Variants in SORBS2 observed in about 807,000 individuals in gnomAD.
SORBS2 encodes sorbin and SH3 domain containing 2, also known as sorbin and SH3 domain-containing protein 2.
Under a neutral mutation model 97.7 loss-of-function variants are expected in SORBS2, and 46 were observed. The ratio of observed to expected loss-of-function variants is 0.47; its 90% CI spans 0.37 to 0.60. SORBS2 has a LOEUF of 0.60. Ranked by LOEUF, SORBS2 falls within the 20% of genes least tolerant of loss-of-function variation. The pLI is 0.00. For synonymous variants in SORBS2, 476 were observed against 473.4 expected, an observed-to-expected ratio of 1.01 and a Z score of -0.07; for missense variants, 1,316 against 1,282.3, an observed-to-expected ratio of 1.03 and a Z score of -0.40.
intron 1 of SORBS2, among the ~76,000 whole-genome samples, chr4:185,946,180 T>C (rs1029079863): frequency 2.7e-5 from 3 of 110,204 alleles, no homozygotes; most frequent in Admixed American, 2.9e-4. Context: ...ACAGCACCCA[T>C]AGGATGTTGG....
intron 1 of SORBS2, among the ~76,000 whole-genome samples, chr4:185,951,157 G>A (rs755399084): frequency 4.3e-4 from 65 of 152,226 alleles, no homozygotes; most frequent in African/African-American, 1.3e-3. Context: ...AGAATCACAC[G>A]GTCCCAGCTG....
At chr4:185,743,829 CTTCTTTCCTCCTCCTCCTCCTTCTATT>C (rs977257406) in intron 2 of SORBS2, among the ~76,000 whole-genome samples, 20 of 150,036 alleles carry the variant, frequency 1.3e-4, no homozygotes, top group African/African-American at 2.0e-4. Context: ...CTTCTTCTAT[CTTCTTTCCTCCTCCTCCTCCTTCTATT>C]TTCTTTCCTC....
At chr4:185,919,793 C>T (rs1393940952) in intron 1 of SORBS2, among the ~76,000 whole-genome samples, 1 of 152,224 alleles carries the variant, frequency 6.6e-6, no homozygotes, top group Non-Finnish European at 1.5e-5. Flanking sequence ...CTTTTTACTT[C>T]GCTCATATCT....
chr4:185,735,981 C>T (rs150483658), intron 2 of SORBS2, among the ~76,000 whole-genome samples: 2 of 152,324 alleles, frequency 1.3e-5, no homozygotes, highest in African/African-American at 2.4e-5. Context: ...ATATCAATAA[C>T]ACACAAGGCA....
intron 12 of SORBS2, among the ~76,000 whole-genome samples, chr4:185,600,590 C>T (rs531678026): frequency 1.3e-5 from 2 of 152,292 alleles, no homozygotes; most frequent in African/African-American, 2.4e-5. Flanking sequence ...CTGCCTGCCT[C>T]GGGCTCCCAA....
At chr4:185,795,774 C>A (rs978778098) in intron 1 of SORBS2, among the ~76,000 whole-genome samples, 4 of 152,056 alleles carry the variant, frequency 2.6e-5, no homozygotes, top group African/African-American at 7.2e-5. Flanking sequence ...TTTTTTAAAA[C>A]CACATATCCA....
intron 2 of SORBS2, among the ~76,000 whole-genome samples, chr4:185,760,864 A>G (rs1199385307): frequency 6.6e-6 from 1 of 152,250 alleles, no homozygotes; most frequent in Non-Finnish European, 1.5e-5. Context: ...GGAGCAGAAG[A>G]AAGCAGTGTC....
chr4:185,843,849 T>C (rs1268841808), intron 1 of SORBS2, among the ~76,000 whole-genome samples: 1 of 152,206 alleles, frequency 6.6e-6, no homozygotes, highest in African/African-American at 2.4e-5. Context: ...CAGCAAGCTA[T>C]TTTTTGAAAT....
intron 1 of SORBS2, among the ~76,000 whole-genome samples, chr4:185,935,189 C>T (rs2099268380): frequency 6.6e-6 from 1 of 152,200 alleles, no homozygotes; most frequent in African/African-American, 2.4e-5. Flanking sequence ...GATCCAAATT[C>T]AATAACTGAG....
intron 1 of SORBS2, among the ~76,000 whole-genome samples, chr4:185,819,478 G>A (rs2099195382): frequency 6.6e-6 from 1 of 152,192 alleles, no homozygotes; most frequent in Non-Finnish European, 1.5e-5. Context: ...TGATAAGTAA[G>A]TCTCAAAAAC....
chr4:185,587,578 C>T (rs778196728), exon 15 of SORBS2: 1 of 1,560,494 alleles, frequency 6.4e-7, no homozygotes, highest in Non-Finnish European at 8.8e-7. Flanking sequence ...GGCGCGTTGA[C>T]GCAGGTGCAT....
intron 1 of SORBS2, among the ~76,000 whole-genome samples, chr4:185,826,498 C>T (rs1304736209): frequency 6.6e-6 from 1 of 152,216 alleles, no homozygotes; most frequent in Admixed American, 6.5e-5. Flanking sequence ...ATCCTAGTCT[C>T]TAAACAGAAC....
In SORBS2 at chr4:185,690,547, TAACA is replaced by T; in HGVS notation, c.-197-11729_-197-11726del. ...GAGCAAGGCTAAAAGAGTTTAAAAC[TAACA>T]GACAGCATACCTGTGTTCATTTTCA... is the stretch of plus-strand genomic sequence containing the variant. On this transcript the variant is annotated intron_variant, in intron 2 of 20. Coordinates refer to the SORBS2 transcript ENST00000284776. 1 of 1,510,624 alleles carries T rather than the reference TAACA, an allele frequency of 6.6e-7. No homozygotes were observed. The highest frequency in any genetic ancestry group is 8.9e-7 in the Non-Finnish European group (1 of 1,117,678). The allele number at this position is 1,510,624 out of a possible 1,614,324, so 93.6% of individuals were successfully genotyped here. A position where few individuals can be genotyped will look rare whatever the true frequency, so the allele number is the denominator to read the frequency against.
intron 1 of SORBS2, among the ~76,000 whole-genome samples, chr4:185,806,669 G>A (rs35672188): frequency 0.5 from 75,317 of 150,274 alleles, 19,068 homozygotes; most frequent in East Asian, 0.64. Flanking sequence ...CGTTTTAGCC[G>A]GGATGGTCTC....
rs79092738 is a variant in SORBS2 at position 185,902,688 on chromosome 4, TAA to T, written c.-338+53506_-338+53507del. 6.2e-3 allele frequency among the ~76,000 whole-genome samples: 865 copies of T among 139,716 alleles called. 4 individuals carry two copies. The highest frequency in any genetic ancestry group is 0.019 in the African/African-American group (708 of 38,012). 91.7% of individuals were successfully genotyped at this position (139,716 alleles called of 152,430 possible). A position where few individuals can be genotyped will look rare whatever the true frequency, so the allele number is the denominator to read the frequency against. ...TAGAGATAAAAATGGTGTTTTTACT[TAA>T]AAAAAAAAAAAAAAGAAAAAGAAAG... On this transcript the variant is annotated intron_variant, in intron 1 of 20. Coordinates refer to the SORBS2 transcript ENST00000284776.
At chr4:185,596,672 C>T (rs542230797) in intron 12 of SORBS2, among the ~76,000 whole-genome samples, 4 of 151,056 alleles carry the variant, frequency 2.6e-5, no homozygotes, top group South Asian at 2.1e-4. Context: ...GTAGCTGGGA[C>T]TACAGGCACG....
At chr4:185,951,493 T>C (rs2099277200) in intron 1 of SORBS2, among the ~76,000 whole-genome samples, 1 of 152,220 alleles carries the variant, frequency 6.6e-6, no homozygotes, top group Non-Finnish European at 1.5e-5. Context: ...ATACTTCTGG[T>C]GTCCTTTGTA....
At position 185,730,509 on chromosome 4, in the gene SORBS2, C is replaced by T. The variant is rs2098609664; in HGVS notation, c.-198+44718G>A. 2.0e-5 allele frequency among the ~76,000 whole-genome samples: 3 copies of T among 152,292 alleles called. No individual in the cohort carries two copies. The South Asian group carries it at 6.2e-4, about 32-fold the overall frequency. On this transcript the variant is annotated intron_variant, in intron 2 of 20. Coordinates refer to the SORBS2 transcript ENST00000284776. ...TCTCACTATTGTCCATCTGGCCGCA[C>T]CACTGTCAGCACTGCTTTCAATGAA...
At chr4:185,756,382 TAAG>T (rs66870004) in intron 2 of SORBS2, among the ~76,000 whole-genome samples, 34,547 of 152,030 alleles carry the variant, frequency 0.23, 4,781 homozygotes, top group Non-Finnish European at 0.32. Flanking sequence ...GTCAATTTGA[TAAG>T]GAGAATATTT....
Sources: allele counts gnomAD v4.1 joint callset (sites outside exome capture counted in the v4.1 genomes callset), GRCh38; gene constraint gnomAD v4.1.1; transcripts MANE v1.5; gene names NCBI Gene and HGNC (gene_info 2026-07-23, HGNC 2026-07-21).